The following KCNQ5 variants were observed in gnomAD, a reference collection of about 807,000 sequenced individuals.
The protein encoded by KCNQ5 is potassium voltage-gated channel subfamily KQT member 5.
In KCNQ5, 30 loss-of-function variants were observed where a neutral mutation model predicts 98.2. That is an observed-to-expected ratio of 0.31 (90% CI 0.23 to 0.41). KCNQ5 has a LOEUF of 0.41. Among genes scored for constraint, KCNQ5 ranks in the 10% least tolerant of loss-of-function variants. KCNQ5 has a pLI of 1.00. For synonymous variants in KCNQ5, 458 were observed against 449.4 expected, an observed-to-expected ratio of 1.02 and a Z score of -0.24; for missense variants, 835 against 1,182.5, an observed-to-expected ratio of 0.71 and a Z score of 4.31.
intron 5 of KCNQ5, among the ~76,000 whole-genome samples, chr6:73,089,996 T>G (rs1052336549): frequency 1.3e-5 from 2 of 152,236 alleles, no homozygotes; most frequent in Admixed American, 6.5e-5. Context: ...CACTATTTTC[T>G]ATAGTGGTTG....
chr6:72,926,960 CCAA>C (rs1213327839), intron 1 of KCNQ5, among the ~76,000 whole-genome samples: 1 of 152,082 alleles, frequency 6.6e-6, no homozygotes, highest in Non-Finnish European at 1.5e-5. Flanking sequence ...ATGATGTGCT[CCAA>C]CAAGTTTCTC....
chr6:73,076,527 T>C (rs1010242438), intron 3 of KCNQ5, among the ~76,000 whole-genome samples: 2 of 152,206 alleles, frequency 1.3e-5, no homozygotes, highest in Non-Finnish European at 2.9e-5. Flanking sequence ...TCAGATGCTC[T>C]TTTTCTCTTT....
chr6:72,971,429 A>T (rs1441301446), intron 1 of KCNQ5, among the ~76,000 whole-genome samples: 1 of 152,210 alleles, frequency 6.6e-6, no homozygotes, highest in Non-Finnish European at 1.5e-5. Context: ...ATTGTGGAAG[A>T]CAGTGTGGCT....
chr6:73,164,816 T>G (rs1349952903), intron 10 of KCNQ5, among the ~76,000 whole-genome samples: 1 of 152,194 alleles, frequency 6.6e-6, no homozygotes, highest in Non-Finnish European at 1.5e-5. Flanking sequence ...AATATAGGCT[T>G]GCAGGATCTG....
At chr6:72,636,558 AGGAGGATTGAAT>A (rs1025442523) in intron 1 of KCNQ5, among the ~76,000 whole-genome samples, 16 of 152,350 alleles carry the variant, frequency 1.1e-4, no homozygotes, top group Admixed American at 3.3e-4. Flanking sequence ...GAATGAATCT[AGGAGGATTGAAT>A]GGAGTTGAGA....
rs560769611 is a variant in KCNQ5 at position 72,700,480 on chromosome 6, G to A, written c.398+77893G>A. 4.2e-4 allele frequency among the ~76,000 whole-genome samples: 64 copies of A among 152,102 alleles called. 1 individual carries two copies. Among genetic ancestry groups the A allele is most frequent in the African/African-American group, 1.4e-3 (60 of 41,484 alleles). ...TTTTGTTAAGATTGATTAGGTTTTG[G>A]TGGAGTGTCTACTCTTAAAACACAA... On this transcript the variant is annotated intron_variant, in intron 1 of 13. Coordinates refer to ENST00000370398, the MANE Select transcript of KCNQ5 (RefSeq NM_019842.4).
chr6:73,043,023 TA>T, intron 3 of KCNQ5: 1 of 198,652 alleles, frequency 5.0e-6, no homozygotes, highest in South Asian at 9.7e-5. Flanking sequence ...CAAAATAGTT[TA>T]GGCTATCTTC....
chr6:73,048,008 T>C (rs1347968236), intron 3 of KCNQ5, among the ~76,000 whole-genome samples: 3 of 152,242 alleles, frequency 2.0e-5, no homozygotes, highest in African/African-American at 7.2e-5. Flanking sequence ...ATTTCTACCA[T>C]GTCCAAGCAT....
At chr6:72,860,409 T>C (rs1777716009) in intron 1 of KCNQ5, among the ~76,000 whole-genome samples, 2 of 152,004 alleles carry the variant, frequency 1.3e-5, no homozygotes, top group African/African-American at 4.8e-5. Context: ...GGAATTGGAG[T>C]CGTGACTTCA....
intron 1 of KCNQ5, among the ~76,000 whole-genome samples, chr6:72,906,173 G>A (rs946965877): frequency 2.0e-5 from 3 of 152,156 alleles, no homozygotes; most frequent in Admixed American, 2.0e-4. Flanking sequence ...TGTCAGGGAA[G>A]TGGGGGAAAG....
At chr6:73,172,447 C>T (rs545397702) in intron 11 of KCNQ5, among the ~76,000 whole-genome samples, 2 of 152,174 alleles carry the variant, frequency 1.3e-5, no homozygotes, top group Admixed American at 6.5e-5. Flanking sequence ...AGCTTAATAA[C>T]CTAATTGAAA....
intron 1 of KCNQ5, among the ~76,000 whole-genome samples, chr6:72,720,062 A>G (rs1206269245): frequency 6.6e-6 from 1 of 152,236 alleles, no homozygotes; most frequent in Non-Finnish European, 1.5e-5. Context: ...TTAGGCATGC[A>G]TGCAAGGCAG....
chr6:72,704,305 C>A (rs1311261338), intron 1 of KCNQ5, among the ~76,000 whole-genome samples: 1 of 151,994 alleles, frequency 6.6e-6, no homozygotes, highest in East Asian at 1.9e-4. Flanking sequence ...CTAAAACCTC[C>A]AAAAGCAAGC....
intron 1 of KCNQ5, among the ~76,000 whole-genome samples, chr6:72,655,187 CAG>C (rs1241348055): frequency 1.2e-4 from 17 of 145,562 alleles, no homozygotes; most frequent in Middle Eastern, 3.4e-3. Flanking sequence ...AAAAAAAAAA[CAG>C]AGAAAAATCC....
chr6:73,028,864 C>T (rs145572843), intron 2 of KCNQ5, among the ~76,000 whole-genome samples: 39 of 152,240 alleles, frequency 2.6e-4, no homozygotes, highest in Admixed American at 6.5e-4. Context: ...AATCAAGTGT[C>T]GTGTTGCCAG....
At chr6:72,708,151 C>G (rs911575983) in intron 1 of KCNQ5, among the ~76,000 whole-genome samples, 2 of 152,156 alleles carry the variant, frequency 1.3e-5, no homozygotes, top group African/African-American at 4.8e-5. Context: ...ATCATATGAC[C>G]TCCTACAATA....
chr6:72,850,759 C>G (rs80166669), intron 1 of KCNQ5, among the ~76,000 whole-genome samples: 5,484 of 152,184 alleles, frequency 0.036, 184 homozygotes, highest in African/African-American at 0.083. Flanking sequence ...TTTGAGATAG[C>G]TGGTGTGTGC....
At chr6:72,882,873 G>A (rs528191929) in intron 1 of KCNQ5, among the ~76,000 whole-genome samples, 57 of 152,268 alleles carry the variant, frequency 3.7e-4, no homozygotes, top group Admixed American at 1.3e-3. Flanking sequence ...AAGAGTGTAC[G>A]CGTGCATCAT....
chr6:73,077,586 C>T (rs1773589093), intron 4 of KCNQ5, 89 bp downstream of exon 4: 1 of 1,419,254 alleles, frequency 7.0e-7, no homozygotes. Context: ...CACAAGAAAA[C>T]TTAGTCATTG....
Sources: allele counts gnomAD v4.1 joint callset (sites outside exome capture counted in the v4.1 genomes callset), GRCh38; gene constraint gnomAD v4.1.1; transcripts MANE v1.5; gene names NCBI Gene and HGNC (gene_info 2026-07-23, HGNC 2026-07-21).